Variants in SIPA1L2 observed in about 807,000 individuals in gnomAD.
SIPA1L2 encodes signal induced proliferation associated 1 like 2, also known as signal-induced proliferation-associated 1-like protein 2.
SIPA1L2 carries 56 observed loss-of-function variants against 163.9 expected under a neutral mutation model. The ratio of observed to expected loss-of-function variants is 0.34; its 90% confidence interval spans 0.28 to 0.43. The LOEUF (loss-of-function observed/expected upper bound fraction) is 0.43. Among genes scored for constraint, SIPA1L2 ranks in the 20% least tolerant of loss-of-function variants. SIPA1L2 has a pLI of 1.00. For synonymous variants in SIPA1L2, 877 were observed against 865.7 expected (o/e 1.01, Z -0.23); for missense variants, 1,974 against 2,193.5 (o/e 0.90, Z 2.00).
intron 1 of SIPA1L2, among the ~76,000 whole-genome samples, chr1:232,622,822 C>A (rs1464985104): frequency 9.2e-5 from 14 of 152,146 alleles, no homozygotes; most frequent in African/African-American, 3.4e-4. Flanking sequence ...AGATCATGTA[C>A]AATAGAAATA....
At chr1:232,504,114 A>C (rs1459968425) in intron 3 of SIPA1L2, among the ~76,000 whole-genome samples, 1 of 152,134 alleles carries the variant, frequency 6.6e-6, no homozygotes, top group Non-Finnish European at 1.5e-5. Flanking sequence ...AGGCAGGAGA[A>C]TCGCTTGAAC....
intron 1 of SIPA1L2, among the ~76,000 whole-genome samples, chr1:232,588,553 G>T (rs1042544845): frequency 1.3e-5 from 2 of 152,174 alleles, no homozygotes; most frequent in Non-Finnish European, 2.9e-5. Flanking sequence ...AAAGTTCATA[G>T]ATAGGGTTTC....
intron 7 of SIPA1L2, among the ~76,000 whole-genome samples, chr1:232,476,690 G>GT (rs1206452188): frequency 6.6e-6 from 1 of 152,184 alleles, no homozygotes; most frequent in Non-Finnish European, 1.5e-5. Flanking sequence ...TTTTGGTCTG[G>GT]TGAGTTTTTC....
intron 9 of SIPA1L2, chr1:232,462,370 T>C: frequency 6.6e-7 from 1 of 1,508,392 alleles, no homozygotes; most frequent in Non-Finnish European, 8.8e-7. Flanking sequence ...CTATGAAACA[T>C]GCTCTGACTA....
At position 232,550,762 on chromosome 1, in the gene SIPA1L2, G is replaced by A. The variant is rs573922190; in HGVS notation, c.-270+23412C>T. Reference sequence around the variant, plus strand: ...TTCATTGAGAAAACGTGAGAGGTGCGTGGGCTAAAACAGACAGAGACACTA... The same window carrying A: ...TTCATTGAGAAAACGTGAGAGGTGCATGGGCTAAAACAGACAGAGACACTA... On this transcript the variant is annotated intron_variant, in intron 2 of 22. Coordinates refer to ENST00000674635, the MANE Select transcript of SIPA1L2 (RefSeq NM_020808.5). 5.8e-4 allele frequency among the ~76,000 whole-genome samples: 88 copies of A among 152,296 alleles called. 1 individual carries two copies. Among genetic ancestry groups the A allele is most frequent in the African/African-American group, 2.1e-3 (87 of 41,560 alleles).
In SIPA1L2 at chr1:232,514,967, G is replaced by C. The variant is rs1234681344; in HGVS notation, c.373C>G (p.Gln125Glu). ...QNGQSDQSEGQQDEQLDLDFV... is the reference protein window; with the variant it reads ...QNGQSDQSEGEQDEQLDLDFV... ...TCCAGATCGAGCTGTTCATCTTGCT[G>C]ACCTTCACTCTGGTCACTCTGCCCA... The change falls in exon 3 of 23, where the codon CAG becomes GAG. Residue 125 changes from glutamine (Q) to glutamate (E), a missense_variant. Gln to Glu is a conservative substitution (Grantham distance 29, BLOSUM62 2). Around this residue, in one of 3 missense-constraint regions of SIPA1L2, gnomAD observed 607 missense variants for 624.0 expected, o/e 0.97. Coordinates refer to ENST00000674635, the MANE Select transcript of SIPA1L2 (RefSeq NM_020808.5). The C allele has an allele frequency of 6.2e-7, 1 of 1,614,138 alleles. No homozygotes were observed. The highest frequency in any genetic ancestry group is 1.1e-5 in the South Asian group (1 of 91,078).
chr1:232,618,990 A>G (rs761381239), intron 1 of SIPA1L2, among the ~76,000 whole-genome samples: 1 of 152,228 alleles, frequency 6.6e-6, no homozygotes, highest in African/African-American at 2.4e-5. Context: ...CTTTGAAAAT[A>G]CTGTCCGTCA....
intron 6 of SIPA1L2, 79 bp from the exon 7 acceptor site, chr1:232,479,809 C>G: frequency 7.7e-7 from 1 of 1,302,446 alleles, no homozygotes; most frequent in Non-Finnish European, 1.1e-6. Context: ...GTTACTGTTG[C>G]AAAAACAAAA....
intron 8 of SIPA1L2, among the ~76,000 whole-genome samples, chr1:232,469,075 C>T (rs945280137): frequency 3.3e-5 from 5 of 152,108 alleles, no homozygotes; most frequent in Non-Finnish European, 5.9e-5. Flanking sequence ...GGCAGGTACA[C>T]CTGACAGGCT....
chr1:232,435,414 G>A (rs930555558), intron 15 of SIPA1L2, among the ~76,000 whole-genome samples: 2 of 152,164 alleles, frequency 1.3e-5, no homozygotes, highest in African/African-American at 4.8e-5. Flanking sequence ...AGTAGCAGTC[G>A]TATCATTACA....
chr1:232,457,287 G>A (rs983724928), intron 10 of SIPA1L2, among the ~76,000 whole-genome samples: 6 of 152,194 alleles, frequency 3.9e-5, no homozygotes, highest in Non-Finnish European at 5.9e-5. Flanking sequence ...CCCACAGGAG[G>A]AGCTGGGCTC....
chr1:232,400,263 C>T (rs1325616859), intron 22 of SIPA1L2, among the ~76,000 whole-genome samples: 2 of 152,176 alleles, frequency 1.3e-5, no homozygotes, highest in African/African-American at 2.4e-5. Flanking sequence ...TTCCTCACCA[C>T]GACTCTCAGT....
chr1:232,563,956 C>CGTGTGTGTGTGTGT (rs34854572), intron 2 of SIPA1L2, among the ~76,000 whole-genome samples: 6 of 72,214 alleles, frequency 8.3e-5, no homozygotes, highest in African/African-American at 3.9e-4. Flanking sequence ...TTTTTTTTTT[C>CGTGTGTGTGTGTGT]GTGTGTGTGT....
intron 9 of SIPA1L2, 96 bp downstream of exon 9, chr1:232,464,744 T>C (rs1664418551): frequency 2.0e-6 from 2 of 980,272 alleles, no homozygotes; most frequent in Non-Finnish European, 3.0e-6. Flanking sequence ...CATTCCCTAA[T>C]TGGTATAATC....
chr1:232,570,162 G>T (rs1175697783), intron 2 of SIPA1L2, among the ~76,000 whole-genome samples: 1 of 152,172 alleles, frequency 6.6e-6, no homozygotes, highest in African/African-American at 2.4e-5. Context: ...TCTTTGTAAG[G>T]ACAAGAATTT....
intron 16 of SIPA1L2, among the ~76,000 whole-genome samples, chr1:232,431,881 A>G (rs1307863831): frequency 6.6e-6 from 1 of 152,216 alleles, no homozygotes; most frequent in Non-Finnish European, 1.5e-5. Context: ...TTGTTTTAGG[A>G]TGTCACTTAC....
chr1:232,406,403 T>C (rs2102750935), intron 19 of SIPA1L2, among the ~76,000 whole-genome samples: 1 of 152,358 alleles, frequency 6.6e-6, no homozygotes, highest in South Asian at 2.1e-4. Context: ...CAATCCATCC[T>C]TTAAAATAAT....
intron 1 of SIPA1L2, among the ~76,000 whole-genome samples, chr1:232,604,073 C>T (rs1416396173): frequency 4.6e-5 from 7 of 151,982 alleles, no homozygotes; most frequent in Non-Finnish European, 1.5e-5. Flanking sequence ...TTAATTACAT[C>T]AAGCAGAAGG....
chr1:232,489,011 C>G (rs564652114), intron 5 of SIPA1L2, among the ~76,000 whole-genome samples: 2 of 152,114 alleles, frequency 1.3e-5, no homozygotes, highest in Admixed American at 1.3e-4. Context: ...TTTCACTGCT[C>G]GGTAAAAGAA....
Sources: allele counts gnomAD v4.1 joint callset (sites outside exome capture counted in the v4.1 genomes callset), GRCh38; gene constraint gnomAD v4.1.1; regional missense constraint gnomAD v4.1.1; transcripts MANE v1.5; gene names NCBI Gene and HGNC (gene_info 2026-07-23, HGNC 2026-07-21).